Variants in GRHL2 observed in about 807,000 individuals in gnomAD.
GRHL2 encodes grainyhead like transcription factor 2.
Under a neutral mutation model 83.8 loss-of-function variants are expected in GRHL2, and 21 were observed. The ratio of observed to expected loss-of-function variants is 0.25; its 90% CI spans 0.18 to 0.36. The LOEUF is 0.36. Ranked by LOEUF, GRHL2 falls within the 10% of genes least tolerant of loss-of-function variation. The pLI is 1.00. For synonymous variants in GRHL2, 280 were observed against 278.9 expected (o/e 1.00, Z -0.04); for missense variants, 623 against 781.8 (o/e 0.80, Z 2.42).
At position 101,499,083 on chromosome 8, in the gene GRHL2, A is replaced by C. The variant is rs912440115; in HGVS notation, c.20+6294A>C. ...GCAAGACTCCGTCTCAAAAAAAAAA[A>C]AAAAAGTACTTGGATAAATCAAACA... On this transcript the variant is annotated intron_variant, in intron 1 of 15. Coordinates refer to ENST00000646743, the MANE Select transcript of GRHL2 (RefSeq NM_024915.4). 3.9e-5 allele frequency among the ~76,000 whole-genome samples: 6 copies of C among 152,182 alleles called. No individual in the cohort carries two copies. In the East Asian group the frequency reaches 1.2e-3, roughly 29 times the overall value.
chr8:101,565,338 G>T (rs1811694540), intron 4 of GRHL2, among the ~76,000 whole-genome samples: 1 of 152,058 alleles, frequency 6.6e-6, no homozygotes, highest in South Asian at 2.1e-4. Context: ...AAATCAAAAT[G>T]GAAGGAAGAA....
intron 14 of GRHL2, among the ~76,000 whole-genome samples, chr8:101,661,120 A>G (rs1813910695): frequency 6.6e-6 from 1 of 152,196 alleles, no homozygotes; most frequent in South Asian, 2.1e-4. Context: ...TTCTTAAAAC[A>G]TTATGAATAT....
In GRHL2 at chr8:101,620,223, C is replaced by G. The variant is rs758537221; in HGVS notation, c.1257+526C>G. On this transcript the variant is annotated intron_variant, in intron 9 of 15. Coordinates refer to ENST00000646743, the MANE Select transcript of GRHL2 (RefSeq NM_024915.4). The stretch of plus-strand genomic sequence containing the variant: ...CTACCCTCATGACCTCATCTAAACC[C>G]AATTACCTCCCCAAAATTTCATCTA... Among the ~76,000 whole-genome samples, 203 of 152,270 alleles carry G rather than the reference C, an allele frequency of 1.3e-3. 1 individual carries two copies. Among genetic ancestry groups the G allele is most frequent in the Non-Finnish European group, 1.4e-3 (94 of 68,022 alleles).
intron 4 of GRHL2, among the ~76,000 whole-genome samples, chr8:101,567,252 T>G (rs892185736): frequency 6.6e-6 from 1 of 152,230 alleles, no homozygotes; most frequent in African/African-American, 2.4e-5. Flanking sequence ...CATACCTTCT[T>G]TACTATCATT....
intron 1 of GRHL2, among the ~76,000 whole-genome samples, chr8:101,530,159 C>T (rs1414928764): frequency 6.6e-6 from 1 of 152,222 alleles, no homozygotes; most frequent in Non-Finnish European, 1.5e-5. Flanking sequence ...TCCTCAAGCA[C>T]ACATTAACCC....
At chr8:101,649,333 G>T in intron 13 of GRHL2, 81 bp from the exon 14 acceptor site, 1 of 1,116,832 alleles carries the variant, frequency 9.0e-7, no homozygotes, top group South Asian at 1.3e-5. Context: ...CAACACCTGT[G>T]TGACAGGAAA....
At position 101,584,302 on chromosome 8, in the gene GRHL2, A is replaced by C. The variant is rs541580515; in HGVS notation, c.1003+6783A>C. 1.1e-4 allele frequency among the ~76,000 whole-genome samples: 17 copies of C among 152,334 alleles called. No homozygotes were observed. In the South Asian group the frequency reaches 2.9e-3, roughly 26 times the overall value. ...TCCTAATAGAAATCTATTTCTTAAG[A>C]GTCAATGTTTAAATTGTGCTCTGCT... On this transcript the variant is annotated intron_variant, in intron 7 of 15. Coordinates refer to ENST00000646743, the MANE Select transcript of GRHL2 (RefSeq NM_024915.4).
At chr8:101,602,496 A>T (rs1002066185) in intron 8 of GRHL2, among the ~76,000 whole-genome samples, 28 of 152,200 alleles carry the variant, frequency 1.8e-4, no homozygotes, top group African/African-American at 6.5e-4. Context: ...CAGCCTTTTG[A>T]TGGTCCACAG....
At chr8:101,517,204 G>A (rs1810590193) in intron 1 of GRHL2, among the ~76,000 whole-genome samples, 1 of 152,166 alleles carries the variant, frequency 6.6e-6, no homozygotes, top group Admixed American at 6.5e-5. Context: ...ACTCACAGTG[G>A]AAAACTCTTA....
chr8:101,584,495 C>T (rs1812122954), intron 7 of GRHL2, among the ~76,000 whole-genome samples: 2 of 152,156 alleles, frequency 1.3e-5, no homozygotes, highest in Admixed American at 1.3e-4. Flanking sequence ...GATGATTCAG[C>T]ATGGCTATCC....
intron 1 of GRHL2, among the ~76,000 whole-genome samples, chr8:101,516,699 A>G (rs1934685408): frequency 6.6e-6 from 1 of 151,762 alleles, no homozygotes; most frequent in South Asian, 2.1e-4. Context: ...GAGCCACCGC[A>G]CCCGGACCTA....
intron 13 of GRHL2, among the ~76,000 whole-genome samples, chr8:101,648,346 C>G (rs537298319): frequency 6.6e-6 from 1 of 152,232 alleles, no homozygotes; most frequent in Non-Finnish European, 1.5e-5. Flanking sequence ...CTCTCATACT[C>G]TCTACGTTCT....
intron 4 of GRHL2, among the ~76,000 whole-genome samples, chr8:101,561,605 T>C (rs182369177): frequency 1.3e-5 from 2 of 152,314 alleles, no homozygotes. Context: ...CCTTGTTGTA[T>C]CCCCCTTCTA....
chr8:101,653,185 A>C (rs1049735387), intron 14 of GRHL2, among the ~76,000 whole-genome samples: 1 of 152,190 alleles, frequency 6.6e-6, no homozygotes, highest in Non-Finnish European at 1.5e-5. Context: ...ACAAGAAGGC[A>C]ATGTGACCCT....
chr8:101,589,422 A>G (rs947569969), intron 7 of GRHL2, among the ~76,000 whole-genome samples: 1 of 152,234 alleles, frequency 6.6e-6, no homozygotes, highest in South Asian at 2.1e-4. Flanking sequence ...ATGTGTGTCT[A>G]TGTACAGGAT....
At chr8:101,550,377 T>C (rs571801295) in intron 2 of GRHL2, among the ~76,000 whole-genome samples, 1 of 152,138 alleles carries the variant, frequency 6.6e-6, no homozygotes, top group Non-Finnish European at 1.5e-5. Context: ...GTCCCGTGTC[T>C]GTTGTTCCCA....
intron 13 of GRHL2, among the ~76,000 whole-genome samples, chr8:101,648,341 A>T (rs1892755): frequency 0.39 from 59,949 of 151,996 alleles, 13,235 homozygotes; most frequent in African/African-American, 0.59. Context: ...ATCATCTCTC[A>T]TACTCTCTAC....
chr8:101,626,429 C>T (rs1813080956), intron 9 of GRHL2, among the ~76,000 whole-genome samples: 1 of 151,972 alleles, frequency 6.6e-6, no homozygotes, highest in South Asian at 2.1e-4. Flanking sequence ...ACATAGATAC[C>T]TATGTGTGTA....
chr8:101,673,018 C>G (rs887202861), downstream of GRHL2, among the ~76,000 whole-genome samples: 38 of 150,224 alleles, frequency 2.5e-4, no homozygotes, highest in Non-Finnish European at 5.0e-4. Flanking sequence ...GATTTTGTCA[C>G]CACCAGGCCT....
Sources: allele counts gnomAD v4.1 joint callset (sites outside exome capture counted in the v4.1 genomes callset), GRCh38; gene constraint gnomAD v4.1.1; transcripts MANE v1.5; gene names NCBI Gene and HGNC (gene_info 2026-07-23, HGNC 2026-07-21).